The following NTRK3 variants were observed in gnomAD, a reference collection of about 807,000 sequenced individuals.
NTRK3 encodes the protein NT-3 growth factor receptor.
NTRK3 carries 24 observed loss-of-function variants against 91.7 expected under a neutral mutation model. The observed-to-expected ratio is 0.26, with a 90% CI of 0.19 to 0.37. NTRK3 has a LOEUF of 0.37. Among genes scored for constraint, NTRK3 ranks in the 10% least tolerant of loss-of-function variants. The pLI, the probability that NTRK3 is intolerant of heterozygous loss-of-function variation, is 1.00. For missense variants in NTRK3, 880 were observed against 1,068.9 expected (o/e 0.82, Z 2.46); for synonymous variants, 483 against 404.0 (o/e 1.20, Z -2.34).
At chr15:88,059,989 C>G (rs1433067596) in intron 13 of NTRK3, among the ~76,000 whole-genome samples, 1 of 152,200 alleles carries the variant, frequency 6.6e-6, no homozygotes, top group African/African-American at 2.4e-5. Flanking sequence ...CTACCTTGAG[C>G]TTGAACTCCA....
At chr15:88,135,371 C>T (rs1243717189) in exon 10 of NTRK3, 2 of 1,613,946 alleles carry the variant, frequency 1.2e-6, no homozygotes, top group Non-Finnish European at 1.7e-6. Flanking sequence ...AGCTCAGGCT[C>T]CTCCAGGCTC....
chr15:88,201,538 C>A (rs891201920), intron 3 of NTRK3, among the ~76,000 whole-genome samples: 1 of 152,204 alleles, frequency 6.6e-6, no homozygotes, highest in Non-Finnish European at 1.5e-5. Flanking sequence ...ACAACAAACC[C>A]TCTCCTCCTG....
Position 88,189,137 on chromosome 15 carries a change from C to T in NTRK3, c.249-4838G>A, listed in dbSNP as rs79047961. On this transcript the variant is annotated intron_variant, in intron 3 of 18. Transcript: ENST00000394480. ...AACCTCAGTGATGTCAAGGTAGACC[C>T]CTGGGATCAAGATCTCATGATGCTG... is the stretch of plus-strand genomic sequence containing the variant. Among the ~76,000 whole-genome samples the T allele has an allele frequency of 6.1e-3, 924 of 152,260 alleles. 8 individuals carry two copies. The highest frequency in any genetic ancestry group is 0.019 in the South Asian group (91 of 4,816).
intron 14 of NTRK3, among the ~76,000 whole-genome samples, chr15:87,964,637 T>C (rs1386713540): frequency 1.3e-5 from 2 of 152,150 alleles, no homozygotes; most frequent in Non-Finnish European, 2.9e-5. Context: ...GGTCCATTTA[T>C]AGTTAATCCC....
intron 14 of NTRK3, among the ~76,000 whole-genome samples, chr15:88,007,665 C>G (rs903447444): frequency 6.6e-6 from 1 of 152,176 alleles, no homozygotes; most frequent in African/African-American, 2.4e-5. Flanking sequence ...TTGTCTTAAG[C>G]CTGTTTCCAG....
chr15:88,065,851 C>T (rs139670367), intron 13 of NTRK3, among the ~76,000 whole-genome samples: 33 of 152,254 alleles, frequency 2.2e-4, no homozygotes, highest in African/African-American at 6.3e-4. Flanking sequence ...TCCAGTATAC[C>T]CCTTGTCTGA....
intron 3 of NTRK3, among the ~76,000 whole-genome samples, chr15:88,193,290 A>T (rs1163752542): frequency 2.0e-5 from 3 of 152,052 alleles, no homozygotes; most frequent in Non-Finnish European, 4.4e-5. Context: ...ACCACTGAAC[A>T]TCCCACCCAG....
intron 10 of NTRK3, among the ~76,000 whole-genome samples, chr15:88,130,858 G>A (rs1192491205): frequency 6.6e-6 from 1 of 152,150 alleles, no homozygotes; most frequent in Non-Finnish European, 1.5e-5. Context: ...GTGATGAAAT[G>A]TAATTCACAT....
chr15:88,250,321 G>A (rs539943913), intron 3 of NTRK3, among the ~76,000 whole-genome samples: 6 of 152,262 alleles, frequency 3.9e-5, no homozygotes, highest in African/African-American at 9.6e-5. Flanking sequence ...CACTAGATTT[G>A]TTCTTTATTT....
chr15:88,058,014 C>T (rs2045879097), intron 13 of NTRK3, among the ~76,000 whole-genome samples: 1 of 152,182 alleles, frequency 6.6e-6, no homozygotes, highest in Non-Finnish European at 1.5e-5. Flanking sequence ...ATGCTCAGAC[C>T]CCAGAAGCCA....
chr15:87,952,251 AAGAG>A (rs935826964), intron 14 of NTRK3, among the ~76,000 whole-genome samples: 6 of 145,292 alleles, frequency 4.1e-5, no homozygotes, highest in South Asian at 2.1e-4. Flanking sequence ...AAAAGAAAGA[AAGAG>A]AAAGAAAAGA....
At chr15:88,148,266 C>T (rs1425410009) in intron 5 of NTRK3, among the ~76,000 whole-genome samples, 1 of 152,214 alleles carries the variant, frequency 6.6e-6, no homozygotes. Context: ...ACACACGCAC[C>T]TATATTTGGA....
At chr15:88,053,951 AGGAAGC>A (rs1364641149) in intron 13 of NTRK3, among the ~76,000 whole-genome samples, 42 of 152,372 alleles carry the variant, frequency 2.8e-4, no homozygotes, top group Non-Finnish European at 5.7e-4. Flanking sequence ...ATGACACTAC[AGGAAGC>A]TGATAGAAAG....
chr15:88,217,851 C>G (rs564326892), intron 3 of NTRK3, among the ~76,000 whole-genome samples: 1 of 151,814 alleles, frequency 6.6e-6, no homozygotes, highest in African/African-American at 2.4e-5. Flanking sequence ...CTCCGCCTCC[C>G]GGGTTCCCGC....
intron 5 of NTRK3, among the ~76,000 whole-genome samples, chr15:88,170,045 T>C (rs1434229034): frequency 6.6e-6 from 1 of 152,148 alleles, no homozygotes; most frequent in Non-Finnish European, 1.5e-5. Context: ...CTAAACTTAA[T>C]TCACCTTTGC....
chr15:87,975,062 T>A (rs2073607954), intron 14 of NTRK3, among the ~76,000 whole-genome samples: 1 of 152,198 alleles, frequency 6.6e-6, no homozygotes, highest in African/African-American at 2.4e-5. Flanking sequence ...TCAATCTTTC[T>A]GAGCTTCAGC....
chr15:88,058,908 G>A (rs2045959580), intron 13 of NTRK3, among the ~76,000 whole-genome samples: 1 of 152,144 alleles, frequency 6.6e-6, no homozygotes, highest in Admixed American at 6.6e-5. Context: ...ATTCTCCTCT[G>A]AGCCAGCAGA....
intron 17 of NTRK3, among the ~76,000 whole-genome samples, chr15:87,903,873 G>C (rs2066596447): frequency 6.6e-6 from 1 of 152,200 alleles, no homozygotes; most frequent in Non-Finnish European, 1.5e-5. Context: ...GAAAGTCCTA[G>C]TGGGTTTTAG....
At chr15:88,086,444 C>A (rs1295924774) in intron 13 of NTRK3, among the ~76,000 whole-genome samples, 1 of 151,082 alleles carries the variant, frequency 6.6e-6, no homozygotes, top group Non-Finnish European at 1.5e-5. Context: ...ATAACATGGT[C>A]AAATGATAGT....
Sources: gnomAD v4.1 joint callset for allele counts (sites outside exome capture counted in the v4.1 genomes callset) on GRCh38, gnomAD v4.1.1 for gene constraint, MANE v1.5 for transcripts, NCBI Gene and HGNC (gene_info 2026-07-23, HGNC 2026-07-21) for gene names.